USP15: variants seen among roughly 807,000 people sequenced by gnomAD.
USP15 encodes ubiquitin specific peptidase 15, also known as ubiquitin carboxyl-terminal hydrolase 15.
Under a neutral mutation model 127.1 loss-of-function variants are expected in USP15, and 18 were observed. The ratio of observed to expected loss-of-function variants is 0.14; its 90% CI spans 0.10 to 0.21. USP15 has a LOEUF of 0.21. Among genes scored for constraint, USP15 ranks in the 10% least tolerant of loss-of-function variants. USP15 has a pLI of 1.00. For missense variants in USP15, 805 were observed against 1,159.9 expected, an observed-to-expected ratio of 0.69 and a Z score of 4.44; for synonymous variants, 364 against 393.7, an observed-to-expected ratio of 0.92 and a Z score of 0.89.
At chr12:62,343,267 C>G (rs1268936865) in intron 6 of USP15, among the ~76,000 whole-genome samples, 1 of 152,190 alleles carries the variant, frequency 6.6e-6, no homozygotes, top group African/African-American at 2.4e-5. Context: ...CTCCCCTAAA[C>G]AAGCTCGATC....
At chr12:62,366,460 T>C (rs780576463) in intron 8 of USP15, among the ~76,000 whole-genome samples, 36 of 152,178 alleles carry the variant, frequency 2.4e-4, no homozygotes, top group Non-Finnish European at 4.3e-4. Context: ...GCTGAGACGA[T>C]GGGGTTTTCT....
rs111940969 is a variant in USP15, at chr12:62,272,750, A to T, written c.89+12247A>T. On this transcript the variant is annotated intron_variant, in intron 1 of 21. Coordinates refer to ENST00000280377, the MANE Select transcript of USP15 (RefSeq NM_001252078.2). ...AGTTTCTCCAGAGCCATTGAAAATT[A>T]TTCTATCCACACCATAATACAAATT... is the stretch of plus-strand genomic sequence containing the variant. Among the ~76,000 whole-genome samples the T allele has an allele frequency of 3.1e-3, 470 of 152,152 alleles. 1 individual carries two copies. Among genetic ancestry groups the T allele is most frequent in the African/African-American group, 9.8e-3 (408 of 41,546 alleles).
In USP15 at chr12:62,295,047, C is replaced by CAA. The variant is rs564488147; in HGVS notation, c.217+742_217+743insAA. Among the ~76,000 whole-genome samples, 15 of 152,208 alleles carry CAA rather than the reference C, an allele frequency of 9.9e-5. No homozygotes were observed. In the East Asian group the frequency reaches 1.7e-3, roughly 18 times the overall value. ...TTGCTATCTCCCTTAGTTGAGGAAA[C>CAA]AGAGTTTGCAGTCTAGGAAAACCAA... On this transcript the variant is annotated intron_variant, in intron 2 of 21. Coordinates refer to ENST00000280377, the MANE Select transcript of USP15 (RefSeq NM_001252078.2).
At chr12:62,275,955 T>G (rs1207749230) in intron 1 of USP15, among the ~76,000 whole-genome samples, 1 of 151,658 alleles carries the variant, frequency 6.6e-6, no homozygotes, top group Non-Finnish European at 1.5e-5. Flanking sequence ...GGTGGAAGAT[T>G]ACAGGTCATC....
chr12:62,402,569 A>G (rs1273612424), intron 21 of USP15, among the ~76,000 whole-genome samples: 1 of 152,032 alleles, frequency 6.6e-6, no homozygotes, highest in Non-Finnish European at 1.5e-5. Flanking sequence ...AGAAAACGGT[A>G]TCTACAAAAA....
intron 2 of USP15, among the ~76,000 whole-genome samples, chr12:62,300,092 T>C (rs975754093): frequency 5.3e-5 from 8 of 152,100 alleles, no homozygotes; most frequent in African/African-American, 1.9e-4. Context: ...TTTTTTCTTA[T>C]TCTGTGGGCT....
At chr12:62,369,775 G>T (rs1320871042) in intron 8 of USP15, among the ~76,000 whole-genome samples, 7 of 151,996 alleles carry the variant, frequency 4.6e-5, no homozygotes, top group Admixed American at 4.6e-4. Context: ...ACAAATTTGT[G>T]ACAAAAATGT....
chr12:62,374,628 G>C, intron 8 of USP15: 8 of 944,108 alleles, frequency 8.5e-6, no homozygotes, highest in Non-Finnish European at 1.0e-5. Context: ...TTGAGATTTG[G>C]TTATATAATA....
intron 6 of USP15, among the ~76,000 whole-genome samples, chr12:62,345,963 G>T (rs956895487): frequency 5.9e-5 from 9 of 152,166 alleles, no homozygotes; most frequent in African/African-American, 1.9e-4. Flanking sequence ...AACACCAGAG[G>T]ATTATGAAAG....
chr12:62,262,578 GTTTAAC>G (rs1245934255), intron 1 of USP15, among the ~76,000 whole-genome samples: 3 of 152,064 alleles, frequency 2.0e-5, no homozygotes, highest in Non-Finnish European at 2.9e-5. Context: ...CATTGTGGGC[GTTTAAC>G]TTTATGAAGT....
At chr12:62,400,481 T>C (rs1477819821) in intron 20 of USP15, among the ~76,000 whole-genome samples, 1 of 151,886 alleles carries the variant, frequency 6.6e-6, no homozygotes, top group Non-Finnish European at 1.5e-5. Context: ...GTTTTACTCT[T>C]CAGGACTTTG....
chr12:62,385,138 G>T (rs1170645402), intron 11 of USP15, among the ~76,000 whole-genome samples: 2 of 151,782 alleles, frequency 1.3e-5, no homozygotes, highest in African/African-American at 4.8e-5. Context: ...GTAAACCTTT[G>T]TATTTCCAGC....
intron 1 of USP15, among the ~76,000 whole-genome samples, chr12:62,283,155 G>A (rs1268523018): frequency 6.6e-6 from 1 of 152,110 alleles, no homozygotes; most frequent in Non-Finnish European, 1.5e-5. Context: ...AATCATTAAG[G>A]GGCAGATAAC....
At chr12:62,267,164 C>T (rs2063213028) in intron 1 of USP15, 1 of 151,948 alleles carries the variant, frequency 6.6e-6, no homozygotes, top group African/African-American at 2.4e-5. Flanking sequence ...TTTTAATTTC[C>T]TCACTTACCA....
At chr12:62,324,093 G>T (rs775016767) in intron 5 of USP15, among the ~76,000 whole-genome samples, 30 of 151,520 alleles carry the variant, frequency 2.0e-4, no homozygotes, top group Non-Finnish European at 3.1e-4. Context: ...AAAATGTGAA[G>T]CATTTCTTCT....
chr12:62,269,196 T>C (rs973876389), intron 1 of USP15, among the ~76,000 whole-genome samples: 4 of 152,074 alleles, frequency 2.6e-5, no homozygotes, highest in African/African-American at 9.7e-5. Context: ...AGGGGGTACT[T>C]ACACAAATCT....
chr12:62,343,535 G>A (rs1338247127), intron 6 of USP15, among the ~76,000 whole-genome samples: 4 of 152,184 alleles, frequency 2.6e-5, no homozygotes, highest in African/African-American at 7.2e-5. Context: ...CAGGGCCCTG[G>A]TGGTGTAGGC....
chr12:62,288,848 A>G (rs1342478770), intron 1 of USP15, among the ~76,000 whole-genome samples: 1 of 152,002 alleles, frequency 6.6e-6, no homozygotes, highest in Non-Finnish European at 1.5e-5. Context: ...TGAGATTATT[A>G]TATGGTTTTT....
intron 8 of USP15, among the ~76,000 whole-genome samples, chr12:62,360,531 TA>T (rs2137471936): frequency 6.6e-6 from 1 of 152,228 alleles, no homozygotes; most frequent in South Asian, 2.1e-4. Flanking sequence ...CTGTTATTTC[TA>T]TGTTACATTA....
Sources: allele counts gnomAD v4.1 joint callset (sites outside exome capture counted in the v4.1 genomes callset), GRCh38; gene constraint gnomAD v4.1.1; transcripts MANE v1.5; gene names NCBI Gene and HGNC (gene_info 2026-07-23, HGNC 2026-07-21).